Variants in CHD2 observed in about 807,000 individuals in gnomAD.
CHD2 encodes chromodomain helicase DNA binding protein 2, also known as ATP-dependent chromatin remodeler CHD2.
In CHD2, 28 loss-of-function variants were observed where a neutral mutation model predicts 243.9. The ratio of observed to expected loss-of-function variants is 0.11; its 90% CI spans 0.09 to 0.16. The LOEUF is 0.16. Among genes scored for constraint, CHD2 ranks in the 10% least tolerant of loss-of-function variants. The probability of loss-of-function intolerance (pLI) is 1.00; values close to 1 mark genes in which losing one functional copy is unlikely to be tolerated. For missense variants in CHD2, 1,386 were observed against 2,209.8 expected, an observed-to-expected ratio of 0.63 and a Z score of 7.47; for synonymous variants, 775 against 779.0, an observed-to-expected ratio of 0.99 and a Z score of 0.09.
chr15:92,944,588 T>A, intron 10 of CHD2, 73 bp downstream of exon 10: 1 of 729,002 alleles, frequency 1.4e-6, no homozygotes, highest in Non-Finnish European at 2.2e-6. Flanking sequence ...GGAAGTAATG[T>A]AAATTTTAAA....
chr15:92,974,848 C>G (rs750109211), intron 19 of CHD2, 31 bp from the exon 20 acceptor site: 41 of 1,603,488 alleles, frequency 2.6e-5, no homozygotes, highest in Middle Eastern at 1.7e-4. Flanking sequence ...ATCTTCCTAT[C>G]TTACAGTTTT....
chr15:93,005,274 G>A (rs1189045450), intron 34 of CHD2, among the ~76,000 whole-genome samples: 2 of 152,160 alleles, frequency 1.3e-5, no homozygotes, highest in South Asian at 2.1e-4. Flanking sequence ...GCTTGTGTAA[G>A]GAAGTGATGT....
chr15:92,989,456 G>A (rs747995583), intron 26 of CHD2, among the ~76,000 whole-genome samples: 3 of 152,152 alleles, frequency 2.0e-5, no homozygotes, highest in East Asian at 1.9e-4. Context: ...CGCTGCTGTT[G>A]TATTTGCTTG....
Position 92,924,424 on chromosome 15 carries a change from A to C in CHD2, c.166A>C (p.Ser56Arg). ...GSGHGSESNS[S>R]SESSESQSES... Reference sequence around the variant, plus strand: ...TGGACATGGCAGCGAGTCGAACAGCAGCTCTGAATCTTCTGAGAGTCAGTC... The same window carrying C: ...TGGACATGGCAGCGAGTCGAACAGCCGCTCTGAATCTTCTGAGAGTCAGTC... The change falls in exon 3 of 39, where the codon AGC (serine) becomes CGC (arginine). Residue 56 changes from serine to arginine, a missense_variant. Around this residue, in one of 19 missense-constraint regions of CHD2, gnomAD observed 89 missense variants for 102.4 expected, o/e 0.87. Coordinates refer to ENST00000394196, the MANE Select transcript of CHD2 (RefSeq NM_001271.4). 6.2e-7 allele frequency: 1 copy of C among 1,614,200 alleles called. No homozygotes were observed. Among genetic ancestry groups the C allele is most frequent in the Non-Finnish European group, 8.5e-7 (1 of 1,180,016 alleles).
rs2054295488 is a variant in CHD2, at chr15:93,004,471, T to A, written c.4279-146T>A. On this transcript the variant is annotated intron_variant, in intron 33 of 38. Transcript: ENST00000394196. ...TAATCAGACAGGTTTGTCTTCATGA[T>A]GTTTCAGGATTTTATTTTACTTTTT... 4 of 674,226 alleles carry A rather than the reference T, an allele frequency of 5.9e-6. No homozygotes were observed. In the South Asian group the frequency reaches 1.0e-4, roughly 17 times the overall value. 41.8% of individuals were successfully genotyped at this position (674,226 alleles called of 1,614,324 possible). A position where few individuals can be genotyped will look rare whatever the true frequency, so the allele number is the denominator to read the frequency against.
intron 13 of CHD2, 106 bp downstream of exon 13, chr15:92,949,182 A>G (rs1179951319): frequency 3.9e-6 from 6 of 1,549,408 alleles, no homozygotes; most frequent in Non-Finnish European, 5.2e-6. Context: ...TTGTATCTCA[A>G]CCAAGAAATC....
intron 9 of CHD2, chr15:92,943,293 A>G: frequency 2.0e-6 from 1 of 510,816 alleles, no homozygotes; most frequent in Non-Finnish European, 3.5e-6. Flanking sequence ...ATGGAGCGTT[A>G]TTCACACATT....
intron 2 of CHD2, among the ~76,000 whole-genome samples, chr15:92,907,037 A>AGT (rs1158078980): frequency 2.2e-4 from 33 of 152,218 alleles, no homozygotes; most frequent in Non-Finnish European, 1.6e-4. Context: ...TTTTGTGATC[A>AGT]GTAATTCAGC....
chr15:92,976,174 A>G (rs1271645513), intron 20 of CHD2, among the ~76,000 whole-genome samples: 1 of 151,982 alleles, frequency 6.6e-6, no homozygotes, highest in African/African-American at 2.4e-5. Flanking sequence ...AATGTTTCAT[A>G]TTGCCCTGTC....
chr15:92,904,927 A>C, intron 2 of CHD2: 1 of 1,536,044 alleles, frequency 6.5e-7, no homozygotes, highest in Non-Finnish European at 8.7e-7. Context: ...AAACAAAGGG[A>C]AGATTATTTG....
chr15:92,906,612 A>G (rs1319023221), intron 2 of CHD2, among the ~76,000 whole-genome samples: 1 of 151,646 alleles, frequency 6.6e-6, no homozygotes, highest in African/African-American at 2.4e-5. Context: ...TGGTATAAAA[A>G]TTGAGTGACT....
chr15:92,933,599 G>A (rs962524209), intron 5 of CHD2, among the ~76,000 whole-genome samples: 1 of 152,048 alleles, frequency 6.6e-6, no homozygotes, highest in African/African-American at 2.4e-5. Context: ...TGGTCCTGGT[G>A]GTTTTGTTTT....
intron 24 of CHD2, among the ~76,000 whole-genome samples, chr15:92,983,965 G>T (rs1241486698): frequency 6.6e-6 from 1 of 152,058 alleles, no homozygotes; most frequent in African/African-American, 2.4e-5. Flanking sequence ...TCATCATGGA[G>T]TATTAGGTAT....
At chr15:92,930,171 A>T (rs894073960) in intron 5 of CHD2, among the ~76,000 whole-genome samples, 1 of 152,190 alleles carries the variant, frequency 6.6e-6, no homozygotes, top group Non-Finnish European at 1.5e-5. Context: ...TTATCTGCTT[A>T]CTGGTCTAAT....
intron 2 of CHD2, among the ~76,000 whole-genome samples, chr15:92,909,216 G>A (rs541489437): frequency 6.6e-6 from 1 of 152,174 alleles, no homozygotes; most frequent in South Asian, 2.1e-4. Flanking sequence ...TTAAGCTCTT[G>A]TGGTCGTCTC....
intron 13 of CHD2, chr15:92,950,384 C>T (rs1197556609): frequency 6.6e-6 from 1 of 152,180 alleles, no homozygotes; most frequent in Non-Finnish European, 1.5e-5. Flanking sequence ...GAGAATTTAA[C>T]AGTGAACCTA....
chr15:92,926,612 G>A (rs1402353213), intron 3 of CHD2, among the ~76,000 whole-genome samples: 3 of 152,154 alleles, frequency 2.0e-5, no homozygotes, highest in East Asian at 1.9e-4. Flanking sequence ...AGGTCTTAAA[G>A]GTTGTTACAG....
chr15:92,977,735 C>T (rs939688070), intron 20 of CHD2, among the ~76,000 whole-genome samples: 2 of 152,184 alleles, frequency 1.3e-5, no homozygotes, highest in Non-Finnish European at 2.9e-5. Context: ...GTTCTCAACA[C>T]TTACCATATA....
intron 16 of CHD2, among the ~76,000 whole-genome samples, chr15:92,962,841 G>C (rs2053708203): frequency 6.6e-6 from 1 of 152,074 alleles, no homozygotes; most frequent in Non-Finnish European, 1.5e-5. Flanking sequence ...CATAACTTTT[G>C]TATGTTCCTG....
Sources: gnomAD v4.1 joint callset for allele counts (sites outside exome capture counted in the v4.1 genomes callset) on GRCh38, gnomAD v4.1.1 for gene constraint, gnomAD v4.1.1 regional missense constraint, MANE v1.5 for transcripts, NCBI Gene and HGNC (gene_info 2026-07-23, HGNC 2026-07-21) for gene names.